Variants in PSPH observed in about 807,000 individuals in gnomAD.
PSPH encodes L-3-phosphoserine phosphatase.
Under a neutral mutation model 23.4 loss-of-function variants are expected in PSPH, and 16 were observed. The ratio of observed to expected loss-of-function variants is 0.68; its 90% CI spans 0.46 to 1.04. The LOEUF (loss-of-function observed/expected upper bound fraction) is 1.04. Ranked by LOEUF, PSPH falls within the 50% of genes least tolerant of loss-of-function variation. The pLI, the probability that PSPH is intolerant of heterozygous loss-of-function variation, is 0.00. For missense variants in PSPH, 223 were observed against 273.7 expected (o/e 0.81, Z 1.31); for synonymous variants, 68 against 99.7 (o/e 0.68, Z 1.89).
chr7:56,034,867 G>C (rs1433620492), intron 1 of PSPH, among the ~76,000 whole-genome samples: 1 of 151,592 alleles, frequency 6.6e-6, no homozygotes. Flanking sequence ...CAAAATGAGA[G>C]TCTTTGCACC....
At chr7:56,034,867 G>A (rs1433620492) in intron 1 of PSPH, among the ~76,000 whole-genome samples, 1 of 151,592 alleles carries the variant, frequency 6.6e-6, no homozygotes, top group South Asian at 2.1e-4. Flanking sequence ...CAAAATGAGA[G>A]TCTTTGCACC....
At chr7:56,030,934 G>A (rs1462602162) in intron 3 of PSPH, among the ~76,000 whole-genome samples, 3 of 147,080 alleles carry the variant, frequency 2.0e-5, no homozygotes, top group South Asian at 2.2e-4. Flanking sequence ...CTGAGGGGCC[G>A]GGCGCGGTGG....
At chr7:56,031,781 T>G (rs1791028686) in intron 3 of PSPH, 148 bp downstream of exon 3, 1 of 153,336 alleles carries the variant, frequency 6.5e-6, no homozygotes, top group Non-Finnish European at 1.5e-5. Context: ...GCCACTGCAC[T>G]CCAGCCTAGG....
intron 1 of PSPH, among the ~76,000 whole-genome samples, chr7:56,040,612 T>C (rs1792398484): frequency 6.6e-6 from 1 of 151,932 alleles, no homozygotes; most frequent in African/African-American, 2.4e-5. Flanking sequence ...GACTGAATTG[T>C]CCCCTTCCTC....
intron 1 of PSPH, among the ~76,000 whole-genome samples, chr7:56,038,713 G>A (rs1792067161): frequency 6.6e-6 from 1 of 151,816 alleles, no homozygotes; most frequent in Non-Finnish European, 1.5e-5. Flanking sequence ...ACACCTCGAG[G>A]CACACACCTC....
chr7:56,043,491 AAAATAAAT>A (rs535108883), intron 1 of PSPH, among the ~76,000 whole-genome samples: 16 of 151,600 alleles, frequency 1.1e-4, no homozygotes, highest in African/African-American at 3.2e-4. Context: ...CATATCTCTA[AAAATAAAT>A]AAATAAATAA....
chr7:56,026,333 G>A (rs947636806), intron 3 of PSPH, among the ~76,000 whole-genome samples: 2 of 149,370 alleles, frequency 1.3e-5, no homozygotes, highest in South Asian at 2.1e-4. Flanking sequence ...AAAATTAGCC[G>A]GGCATGGTGG....
chr7:56,025,551 G>A (rs147669303), intron 3 of PSPH, among the ~76,000 whole-genome samples: 1 of 151,112 alleles, frequency 6.6e-6, no homozygotes, highest in Non-Finnish European at 1.5e-5. Flanking sequence ...GAGCAACTGC[G>A]CCTGGTGACA....
intron 4 of PSPH, 73 bp from the exon 5 acceptor site, chr7:56,019,807 G>A (rs761473648): frequency 6.3e-7 from 1 of 1,590,066 alleles, no homozygotes; most frequent in South Asian, 1.1e-5. Context: ...ACTGCCCCGG[G>A]TCTGCACGAC....
chr7:56,030,983 G>A (rs558079696), intron 3 of PSPH, among the ~76,000 whole-genome samples: 10 of 151,200 alleles, frequency 6.6e-5, no homozygotes, highest in South Asian at 6.3e-4. Flanking sequence ...AGGCTGAGGC[G>A]GGTGGATCAT....
rs1342780791 is a variant in PSPH, at chr7:56,013,052, T to TATACTATATATGTATATATATACACAC, written c.571-1184_571-1183insGTGTGTATATATATACATATATAGTAT. On this transcript the variant is annotated intron_variant, in intron 7 of 7. Transcript: ENST00000275605. Reference sequence around the variant, plus strand: ...CTATATATGTATATATATACACACATATATGTATATGTGTATGTATATATT... The same window carrying TATACTATATATGTATATATATACACAC: ...CTATATATGTATATATATACACACATATACTATATATGTATATATATACACACATATGTATATGTGTATGTATATATT... 7.3e-5 allele frequency among the ~76,000 whole-genome samples: 11 copies of TATACTATATATGTATATATATACACAC among 150,068 alleles called. 1 individual carries two copies. The highest frequency in any genetic ancestry group is 2.4e-4 in the African/African-American group (10 of 41,050).
At chr7:56,024,762 T>G (rs973644815) in intron 3 of PSPH, among the ~76,000 whole-genome samples, 9 of 149,168 alleles carry the variant, frequency 6.0e-5, no homozygotes, top group African/African-American at 2.2e-4. Flanking sequence ...GTAATAATAA[T>G]AAATAAAAAT....
chr7:56,017,115 C>T (rs1269747649), intron 6 of PSPH, 119 bp downstream of exon 6: 8 of 1,517,676 alleles, frequency 5.3e-6, no homozygotes, highest in East Asian at 2.3e-5. Context: ...ATTAAGAGAA[C>T]CATTCATCTC....
At chr7:56,041,852 G>C (rs1792575313) in intron 1 of PSPH, among the ~76,000 whole-genome samples, 1 of 151,946 alleles carries the variant, frequency 6.6e-6, no homozygotes, top group African/African-American at 2.4e-5. Flanking sequence ...TGAACTGGGA[G>C]GCAGAGGTTG....
At chr7:56,039,311 GT>G (rs1340998058) in intron 1 of PSPH, among the ~76,000 whole-genome samples, 1 of 152,056 alleles carries the variant, frequency 6.6e-6, no homozygotes, top group Non-Finnish European at 1.5e-5. Context: ...CAGGACAGTA[GT>G]TACTTCTGAA....
chr7:56,020,450 C>T (rs1339828795), intron 4 of PSPH, among the ~76,000 whole-genome samples: 1 of 151,854 alleles, frequency 6.6e-6, no homozygotes, highest in Non-Finnish European at 1.5e-5. Flanking sequence ...CATGGTGAAA[C>T]CCCATCTCTA....
chr7:56,043,852 G>A (rs1376294063), intron 1 of PSPH, among the ~76,000 whole-genome samples: 1 of 152,096 alleles, frequency 6.6e-6, no homozygotes, highest in Non-Finnish European at 1.5e-5. Flanking sequence ...ATAAAGTTAT[G>A]AGCCAGCGAT....
At chr7:56,013,616 A>G (rs1008159388) in intron 7 of PSPH, among the ~76,000 whole-genome samples, 2 of 152,072 alleles carry the variant, frequency 1.3e-5, no homozygotes, top group African/African-American at 4.8e-5. Context: ...CTGTAATCCC[A>G]GCTACCAAGG....
chr7:56,026,352 T>C (rs1320799289), intron 3 of PSPH, among the ~76,000 whole-genome samples: 1 of 151,340 alleles, frequency 6.6e-6, no homozygotes, highest in Non-Finnish European at 1.5e-5. Context: ...GGCAGGCACC[T>C]GTAATCCCAG....
Sources: gnomAD v4.1 joint callset for allele counts (sites outside exome capture counted in the v4.1 genomes callset) on GRCh38, gnomAD v4.1.1 for gene constraint, MANE v1.5 for transcripts, NCBI Gene and HGNC (gene_info 2026-07-23, HGNC 2026-07-21) for gene names.